The following ODAPH variants were observed in gnomAD, a reference collection of about 807,000 sequenced individuals.
ODAPH encodes odontogenesis associated phosphoprotein.
Under a neutral mutation model 2.8 loss-of-function variants are expected in ODAPH, and 2 were observed. The ratio of observed to expected loss-of-function variants is 0.72; its 90% CI spans 0.30 to 2.28. The LOEUF (loss-of-function observed/expected upper bound fraction) is 2.28, where lower values mean the gene tolerates loss of function less well. ODAPH is among the 30% of genes most tolerant of loss of function. ODAPH has a pLI of 0.13. For synonymous variants in ODAPH, 75 were observed against 60.3 expected (o/e 1.24, Z -1.13); for missense variants, 159 against 163.3 (o/e 0.97, Z 0.14).
intron 1 of ODAPH, among the ~76,000 whole-genome samples, chr4:75,556,986 C>T (rs1203093692): frequency 2.0e-5 from 3 of 152,122 alleles, no homozygotes; most frequent in Admixed American, 1.3e-4. Flanking sequence ...TCAGCCAAAC[C>T]CTGCTCATCC....
At chr4:75,562,661 G>A (rs1046449265) in intron 1 of ODAPH, among the ~76,000 whole-genome samples, 1 of 152,072 alleles carries the variant, frequency 6.6e-6, no homozygotes, top group African/African-American at 2.4e-5. Context: ...GCCCTTTCCA[G>A]GCTGTATATG....
chr4:75,564,716 G>T lies in ODAPH; in HGVS notation c.*277G>T, dbSNP rs545484121. Reference sequence around the variant, plus strand: ...TTTATGCAAATAAAATCTTTAAATGGGTGGCTCTAGTAATTCCTATCCATA... The same window carrying T: ...TTTATGCAAATAAAATCTTTAAATGTGTGGCTCTAGTAATTCCTATCCATA... On this transcript the variant is annotated 3_prime_UTR_variant, in exon 2 of 2. Transcript: ENST00000311623. 33 of 615,362 alleles carry T rather than the reference G, an allele frequency of 5.4e-5. No homozygotes were observed. In the African/African-American group the frequency reaches 5.4e-4, roughly 10 times the overall value. 38.1% of individuals were successfully genotyped at this position (615,362 alleles called of 1,614,324 possible).
intron 1 of ODAPH, chr4:75,563,060 T>TGTCA (rs1201468922): frequency 8.2e-6 from 1 of 122,362 alleles, no homozygotes; most frequent in Non-Finnish European, 1.6e-5. Context: ...AGTCTCGCTC[T>TGTCA]GTCAGCCAGG....
At chr4:75,563,531 A>G (rs2148845688) in intron 1 of ODAPH, among the ~76,000 whole-genome samples, 1 of 152,330 alleles carries the variant, frequency 6.6e-6, no homozygotes, top group East Asian at 1.9e-4. Context: ...GATATGAAAC[A>G]TTTCTAAAGA....
intron 1 of ODAPH, among the ~76,000 whole-genome samples, chr4:75,562,146 G>A (rs1328213738): frequency 6.6e-6 from 1 of 152,170 alleles, no homozygotes; most frequent in Non-Finnish European, 1.5e-5. Context: ...ATAGCCAGAA[G>A]GTGCGTAGGA....
chr4:75,556,749 A>T (rs1210449308), intron 1 of ODAPH, among the ~76,000 whole-genome samples: 1 of 152,072 alleles, frequency 6.6e-6, no homozygotes, highest in African/African-American at 2.4e-5. Context: ...ATGTGTCCTG[A>T]GCCTTACAAT....
At chr4:75,558,001 C>T (rs192162235) in intron 1 of ODAPH, among the ~76,000 whole-genome samples, 17 of 152,328 alleles carry the variant, frequency 1.1e-4, no homozygotes, top group East Asian at 9.6e-4. Context: ...TTTCTGACAC[C>T]TTTGAATTCT....
At chr4:75,559,695 G>A (rs1289624670) in intron 1 of ODAPH, among the ~76,000 whole-genome samples, 1 of 152,178 alleles carries the variant, frequency 6.6e-6, no homozygotes, top group East Asian at 1.9e-4. Flanking sequence ...TTACATACGG[G>A]GAAATATTTG....
rs1727743304 is a variant in ODAPH at position 75,564,628 on chromosome 4, T to C, written c.*189T>C. On this transcript the variant is annotated 3_prime_UTR_variant, in exon 2 of 2. Coordinates refer to ENST00000311623, the MANE Select transcript of ODAPH (RefSeq NM_178497.5). ...AAGATATTGGATCATAGGTTATTGA[T>C]GGTTGCAAAATTGGACAATAACCAC... is the stretch of plus-strand genomic sequence containing the variant. 16 of 1,303,642 alleles carry C rather than the reference T, an allele frequency of 1.2e-5. No homozygotes were observed. The highest frequency in any genetic ancestry group is 2.4e-4 in the Middle Eastern group (1 of 4,102). 80.8% of individuals were successfully genotyped at this position (1,303,642 alleles called of 1,614,324 possible). A position where few individuals can be genotyped will look rare whatever the true frequency, so the allele number is the denominator to read the frequency against.
rs763205114 is a variant in ODAPH at position 75,564,464 on chromosome 4, T to C, written c.*25T>C. The C allele has an allele frequency of 1.9e-6, 3 of 1,613,380 alleles. No homozygotes were observed. The highest frequency in any genetic ancestry group is 1.7e-4 in the Middle Eastern group (1 of 6,060). On this transcript the variant is annotated 3_prime_UTR_variant, in exon 2 of 2. Coordinates refer to ENST00000311623, the MANE Select transcript of ODAPH (RefSeq NM_178497.5). ...AGAGGGAAGAGAAACCCAAACATACTGAAGCAAAAAAAAGCCTATCCTTCA... is the reference window on the plus strand; with the variant it reads ...AGAGGGAAGAGAAACCCAAACATACCGAAGCAAAAAAAAGCCTATCCTTCA...
chr4:75,563,005 C>CTTTTTT lies in ODAPH; in HGVS notation c.68-1077_68-1072dup, dbSNP rs542417085. ...TTTACATGCAATAAAATCCACACATCTTTTTTTTTTTTTTTTTTTTTTTTT... is the reference window on the plus strand; with the variant it reads ...TTTACATGCAATAAAATCCACACATCTTTTTTTTTTTTTTTTTTTTTTTTTTTTTTT... On this transcript the variant is annotated intron_variant, in intron 1 of 1. Coordinates refer to ENST00000311623, the MANE Select transcript of ODAPH (RefSeq NM_178497.5). 4.2e-4 allele frequency among the ~76,000 whole-genome samples: 25 copies of CTTTTTT among 59,600 alleles called. 9 individuals carry two copies. The highest frequency in any genetic ancestry group is 7.1e-4 in the South Asian group (1 of 1,402). 39.1% of individuals were successfully genotyped at this position (59,600 alleles called of 152,430 possible).
intron 1 of ODAPH, among the ~76,000 whole-genome samples, chr4:75,559,402 A>T (rs1195193386): frequency 6.6e-6 from 1 of 152,166 alleles, no homozygotes; most frequent in East Asian, 1.9e-4. Flanking sequence ...TTCCGGTAAC[A>T]CTCACAAAGA....
chr4:75,557,380 C>A (rs570133684), intron 1 of ODAPH, among the ~76,000 whole-genome samples: 1 of 152,268 alleles, frequency 6.6e-6, no homozygotes, highest in East Asian at 1.9e-4. Context: ...TGGCTCACAC[C>A]TGTAATCCCA....
Position 75,563,005 on chromosome 4 carries a change from C to CTTTTTTTTTTTTTTT in ODAPH, c.68-1086_68-1072dup, listed in dbSNP as rs542417085. Among the ~76,000 whole-genome samples, 3 of 59,536 alleles carry CTTTTTTTTTTTTTTT rather than the reference C, an allele frequency of 5.0e-5. 1 individual carries two copies. The highest frequency in any genetic ancestry group is 1.9e-4 in the African/African-American group (3 of 15,822). The allele number at this position is 59,536 out of a possible 152,430, so 39.1% of individuals were successfully genotyped here. A position where few individuals can be genotyped will look rare whatever the true frequency, so the allele number is the denominator to read the frequency against. On this transcript the variant is annotated intron_variant, in intron 1 of 1. Transcript: ENST00000311623. ...TTTACATGCAATAAAATCCACACAT[C>CTTTTTTTTTTTTTTT]TTTTTTTTTTTTTTTTTTTTTTTTT...
intron 1 of ODAPH, among the ~76,000 whole-genome samples, chr4:75,557,580 C>A (rs1267947583): frequency 1.3e-5 from 2 of 152,120 alleles, no homozygotes; most frequent in African/African-American, 4.8e-5. Context: ...TGGAGGTTGC[C>A]ATGAGCCAAG....
intron 1 of ODAPH, among the ~76,000 whole-genome samples, chr4:75,562,951 TC>T (rs758075794): frequency 9.9e-5 from 15 of 151,682 alleles, no homozygotes; most frequent in Non-Finnish European, 1.6e-4. Flanking sequence ...GTTCTTTTTT[TC>T]AGCTGAATTT....
chr4:75,557,710 C>T (rs148995930), intron 1 of ODAPH, among the ~76,000 whole-genome samples: 2 of 152,334 alleles, frequency 1.3e-5, no homozygotes, highest in Non-Finnish European at 1.5e-5. Context: ...TACAATCCCT[C>T]GAAGTCCTTC....
intron 1 of ODAPH, among the ~76,000 whole-genome samples, chr4:75,562,428 C>T (rs1227443690): frequency 6.6e-6 from 1 of 151,768 alleles, no homozygotes; most frequent in Non-Finnish European, 1.5e-5. Context: ...CAACCTCCAC[C>T]TCCCGGGTTC....
intron 1 of ODAPH, among the ~76,000 whole-genome samples, chr4:75,563,496 T>C (rs1727680246): frequency 6.6e-6 from 1 of 152,162 alleles, no homozygotes; most frequent in African/African-American, 2.4e-5. Flanking sequence ...GATAACCATA[T>C]CTATGTAACA....
Sources: gnomAD v4.1 joint callset for allele counts (sites outside exome capture counted in the v4.1 genomes callset) on GRCh38, gnomAD v4.1.1 for gene constraint, MANE v1.5 for transcripts, NCBI Gene and HGNC (gene_info 2026-07-23, HGNC 2026-07-21) for gene names.